Variants in MAP3K2 observed in about 807,000 individuals in gnomAD.
MAP3K2 encodes the protein mitogen-activated protein kinase kinase kinase 2, also known as MAP/ERK kinase kinase 2.
MAP3K2 carries 24 observed loss-of-function variants against 80.3 expected under a neutral mutation model. That is an observed-to-expected ratio of 0.30 (90% CI 0.22 to 0.42). The LOEUF is 0.42. Ranked by LOEUF, MAP3K2 falls within the 10% of genes least tolerant of loss-of-function variation. The pLI is 1.00. For missense variants in MAP3K2, 608 were observed against 750.1 expected (o/e 0.81, Z 2.21); for synonymous variants, 244 against 253.7 (o/e 0.96, Z 0.36).
At chr2:127,319,666 A>AAAAAAAAAAG (rs1558975343) in intron 12 of MAP3K2, among the ~76,000 whole-genome samples, 17 of 148,240 alleles carry the variant, frequency 1.1e-4, no homozygotes, top group Non-Finnish European at 1.5e-4. Context: ...AAAAAAAAAA[A>AAAAAAAAAAG]AAAAAAAAAA....
intron 4 of MAP3K2, among the ~76,000 whole-genome samples, chr2:127,337,223 G>C (rs1355621202): frequency 3.3e-5 from 5 of 151,950 alleles, no homozygotes; most frequent in African/African-American, 1.2e-4. Context: ...TATCATTTGT[G>C]CACTGAGATA....
At chr2:127,343,534 T>A (rs1037153478) in intron 1 of MAP3K2, among the ~76,000 whole-genome samples, 2 of 151,992 alleles carry the variant, frequency 1.3e-5, no homozygotes, top group Non-Finnish European at 2.9e-5. Flanking sequence ...CTTCTACAAA[T>A]CAGCAATCAG....
chr2:127,344,250 C>T (rs1295608502), intron 1 of MAP3K2, among the ~76,000 whole-genome samples: 3 of 152,130 alleles, frequency 2.0e-5, no homozygotes, highest in East Asian at 1.9e-4. Flanking sequence ...GAGACCCTAC[C>T]AGCCCCTTCC....
At chr2:127,379,549 G>A (rs1335412462) in intron 1 of MAP3K2, among the ~76,000 whole-genome samples, 1 of 152,038 alleles carries the variant, frequency 6.6e-6, no homozygotes, top group Non-Finnish European at 1.5e-5. Context: ...CACATTATAA[G>A]CACAGTCGGT....
intron 1 of MAP3K2, among the ~76,000 whole-genome samples, chr2:127,343,960 G>A (rs112327507): frequency 0.031 from 4,745 of 151,958 alleles, 92 homozygotes; most frequent in Non-Finnish European, 0.049. Flanking sequence ...GGTTGAGGTT[G>A]CAGTGAGCTG....
At chr2:127,318,091 A>G in intron 13 of MAP3K2, 78 bp downstream of exon 13, 2 of 956,384 alleles carry the variant, frequency 2.1e-6, no homozygotes, top group Non-Finnish European at 2.9e-6. Context: ...TTTAGAATGG[A>G]AGGGGCTTAA....
chr2:127,373,246 C>G (rs1004417610), intron 1 of MAP3K2, among the ~76,000 whole-genome samples: 5 of 152,084 alleles, frequency 3.3e-5, no homozygotes, highest in Non-Finnish European at 2.9e-5. Context: ...ACTAGCAGCC[C>G]CAACAGAGCC....
intron 15 of MAP3K2, 78 bp downstream of exon 15, chr2:127,314,676 T>C (rs1034788673): frequency 6.0e-5 from 68 of 1,128,746 alleles, no homozygotes; most frequent in Non-Finnish European, 7.9e-5. Context: ...TAATGTTAAA[T>C]GTCTTACCCA....
At chr2:127,352,649 A>G (rs1224058021) in intron 1 of MAP3K2, among the ~76,000 whole-genome samples, 1 of 152,096 alleles carries the variant, frequency 6.6e-6, no homozygotes, top group African/African-American at 2.4e-5. Flanking sequence ...AGGATGGCAA[A>G]GCAGTAAGTT....
At chr2:127,370,237 G>A (rs1026578209) in intron 1 of MAP3K2, among the ~76,000 whole-genome samples, 1 of 152,210 alleles carries the variant, frequency 6.6e-6, no homozygotes, top group Admixed American at 6.5e-5. Context: ...CAGGGCCTCA[G>A]CCGCTGACTC....
chr2:127,341,748 G>C (rs1163174431), intron 2 of MAP3K2, among the ~76,000 whole-genome samples: 2 of 151,640 alleles, frequency 1.3e-5, no homozygotes, highest in Admixed American at 6.6e-5. Context: ...TAGCCAGGAT[G>C]GTCTCAATCT....
At chr2:127,351,888 CT>C in intron 1 of MAP3K2, among the ~76,000 whole-genome samples, 1 of 147,088 alleles carries the variant, frequency 6.8e-6, no homozygotes, top group Admixed American at 6.8e-5. Flanking sequence ...TTTTTTTTTT[CT>C]TTTTTGAGAC....
chr2:127,355,522 A>G (rs930519221), intron 1 of MAP3K2, among the ~76,000 whole-genome samples: 1 of 152,124 alleles, frequency 6.6e-6, no homozygotes, highest in African/African-American at 2.4e-5. Flanking sequence ...AACAATGTAC[A>G]TGCCTTAATT....
chr2:127,386,970 T>C (rs1223243933), intron 1 of MAP3K2, among the ~76,000 whole-genome samples: 8 of 152,112 alleles, frequency 5.3e-5, no homozygotes, highest in Non-Finnish European at 1.0e-4. Flanking sequence ...ACCCACCTCA[T>C]TGAGCTGGGA....
At chr2:127,316,633 G>GA (rs1042724688) in intron 14 of MAP3K2, among the ~76,000 whole-genome samples, 9 of 152,110 alleles carry the variant, frequency 5.9e-5, no homozygotes, top group African/African-American at 2.2e-4. Flanking sequence ...TGGTGTGCAG[G>GA]AAAAAACAAA....
intron 1 of MAP3K2, among the ~76,000 whole-genome samples, chr2:127,349,595 C>T (rs752007903): frequency 2.6e-5 from 4 of 152,080 alleles, no homozygotes; most frequent in Non-Finnish European, 5.9e-5. Flanking sequence ...AACATCTAGT[C>T]TAAACATCTT....
intron 9 of MAP3K2, among the ~76,000 whole-genome samples, chr2:127,324,634 A>G (rs1686093963): frequency 6.6e-6 from 1 of 152,210 alleles, no homozygotes; most frequent in South Asian, 2.1e-4. Flanking sequence ...TGCAAATGGT[A>G]AGTACTCAAA....
At chr2:127,341,517 GTTTTTTTTTGTTGTTTTTTTTTTT>G (rs1558982070) in intron 2 of MAP3K2, among the ~76,000 whole-genome samples, 2 of 121,212 alleles carry the variant, frequency 1.7e-5, no homozygotes, top group Non-Finnish European at 3.2e-5. Flanking sequence ...AGTACAATGG[GTTTTTTTTTGTTGTTTTTTTTTTT>G]TTTTTTTTTG....
chr2:127,375,094 T>C (rs760182615), intron 1 of MAP3K2, among the ~76,000 whole-genome samples: 4 of 152,244 alleles, frequency 2.6e-5, no homozygotes, highest in African/African-American at 4.8e-5. Context: ...CAGTAATGTA[T>C]GGTATGGTCC....
Sources: allele counts gnomAD v4.1 joint callset (sites outside exome capture counted in the v4.1 genomes callset), GRCh38; gene constraint gnomAD v4.1.1; transcripts MANE v1.5; gene names NCBI Gene and HGNC (gene_info 2026-07-23, HGNC 2026-07-21).